NUCKS1: variants seen among roughly 807,000 people sequenced by gnomAD.
NUCKS1 encodes the protein nuclear casein kinase and cyclin dependent kinase substrate 1.
Under a neutral mutation model 33.0 loss-of-function variants are expected in NUCKS1, and 2 were observed. The observed-to-expected ratio is 0.06, with a 90% CI of 0.02 to 0.19. NUCKS1 has a LOEUF of 0.19. Ranked by LOEUF, NUCKS1 falls within the 10% of genes least tolerant of loss-of-function variation. The probability of loss-of-function intolerance (pLI) is 1.00; values close to 1 mark genes in which losing one functional copy is unlikely to be tolerated. For missense variants in NUCKS1, 201 were observed against 293.6 expected (o/e 0.68, Z 2.31); for synonymous variants, 106 against 102.8 (o/e 1.03, Z -0.19).
In NUCKS1 at chr1:205,732,796, G is replaced by A. The variant is rs1412375339; in HGVS notation, c.18-3175C>T. 7.5e-3 allele frequency among the ~76,000 whole-genome samples: 442 copies of A among 58,930 alleles called. 2 individuals carry two copies. Among genetic ancestry groups the A allele is most frequent in the Middle Eastern group, 0.017 (2 of 118 alleles). The allele number at this position is 58,930 out of a possible 152,430, so 38.7% of individuals were successfully genotyped here. A position where few individuals can be genotyped will look rare whatever the true frequency, so the allele number is the denominator to read the frequency against. On this transcript the variant is annotated intron_variant, in intron 1 of 6. Coordinates refer to ENST00000367142, the MANE Select transcript of NUCKS1 (RefSeq NM_022731.5). ...CTCTGTCTCAAAAAAAAAAAAAAAA[G>A]TTAAGATGGTAAATTTTATGCTAAG... is the stretch of plus-strand genomic sequence containing the variant.
chr1:205,745,514 T>C (rs1342512274), intron 1 of NUCKS1, among the ~76,000 whole-genome samples: 1 of 152,166 alleles, frequency 6.6e-6, no homozygotes, highest in Non-Finnish European at 1.5e-5. Context: ...CTCTGAAAAT[T>C]ATTTTAAATA....
At chr1:205,739,641 A>G (rs1654116604) in intron 1 of NUCKS1, among the ~76,000 whole-genome samples, 1 of 152,024 alleles carries the variant, frequency 6.6e-6, no homozygotes, top group Non-Finnish European at 1.5e-5. Flanking sequence ...TTTTTTGTAA[A>G]GATGGGGTTT....
At chr1:205,739,496 G>A (rs823112) in intron 1 of NUCKS1, among the ~76,000 whole-genome samples, 134,000 of 152,102 alleles carry the variant, frequency 0.88, 59,980 homozygotes, top group Non-Finnish European at 0.97. Context: ...TTTTTGAGAC[G>A]GGGTCTCACT....
chr1:205,744,966 G>C (rs541819286), intron 1 of NUCKS1, among the ~76,000 whole-genome samples: 43 of 152,214 alleles, frequency 2.8e-4, no homozygotes, highest in African/African-American at 9.9e-4. Flanking sequence ...GTTTACAGGA[G>C]TACTACCCTA....
chr1:205,721,529 C>A (rs1257645024), intron 4 of NUCKS1, among the ~76,000 whole-genome samples: 4 of 152,140 alleles, frequency 2.6e-5, no homozygotes, highest in Non-Finnish European at 5.9e-5. Context: ...AGAAAAATAT[C>A]TTAACATAGT....
At chr1:205,742,492 C>T (rs569959281) in intron 1 of NUCKS1, among the ~76,000 whole-genome samples, 4 of 152,276 alleles carry the variant, frequency 2.6e-5, no homozygotes, top group Admixed American at 2.6e-4. Flanking sequence ...AAAGGGGCGC[C>T]CAGTTTGACC....
rs78424689 is a variant in NUCKS1, at chr1:205,735,853, A to C, written c.18-6232T>G. Among the ~76,000 whole-genome samples, 644 of 152,344 alleles carry C rather than the reference A, an allele frequency of 4.2e-3. 5 individuals carry two copies. The highest frequency in any genetic ancestry group is 0.015 in the African/African-American group (605 of 41,584). Reference sequence around the variant, plus strand: ...GATGATTAAGTCACTTTGTTGAAAAATATGTAAGTCTTAAAAGTATTGGTT... The same window carrying C: ...GATGATTAAGTCACTTTGTTGAAAACTATGTAAGTCTTAAAAGTATTGGTT... On this transcript the variant is annotated intron_variant, in intron 1 of 6. Transcript: ENST00000367142.
At chr1:205,727,865 T>C in intron 2 of NUCKS1, 60 bp from the exon 3 acceptor site, 1 of 1,077,198 alleles carries the variant, frequency 9.3e-7, no homozygotes, top group Non-Finnish European at 1.4e-6. Context: ...ATCACCACTA[T>C]ATTTACTGAC....
At chr1:205,722,702 T>A (rs997708266) in intron 4 of NUCKS1, among the ~76,000 whole-genome samples, 4 of 152,194 alleles carry the variant, frequency 2.6e-5, no homozygotes, top group African/African-American at 4.8e-5. Context: ...CTAAAAAAAA[T>A]TTTTTTAACA....
intron 1 of NUCKS1, among the ~76,000 whole-genome samples, chr1:205,746,936 C>T (rs1215323283): frequency 6.6e-6 from 1 of 152,186 alleles, no homozygotes; most frequent in Non-Finnish European, 1.5e-5. Context: ...GGAGGAGGAT[C>T]TCTGGAGAGT....
rs1313311746 is a variant in NUCKS1, at chr1:205,713,198, T to C, written c.*5082A>G. ...AAGTACACAGAGCACACATCTGGGT[T>C]ATAAAAGCCCTTTTATAAAGCCATT... On this transcript the variant is annotated 3_prime_UTR_variant, in exon 7 of 7. Transcript: ENST00000367142. 6.6e-6 allele frequency: 1 copy of C among 151,926 alleles called. No homozygotes were observed. Among genetic ancestry groups the C allele is most frequent in the Non-Finnish European group, 1.5e-5 (1 of 67,986 alleles). 9.4% of individuals were successfully genotyped at this position (151,926 alleles called of 1,614,324 possible). A position where few individuals can be genotyped will look rare whatever the true frequency, so the allele number is the denominator to read the frequency against.
chr1:205,750,107 T>G lies in NUCKS1; in HGVS notation c.-134A>C. The stretch of plus-strand genomic sequence containing the variant: ...TGCCGAACCCCGAGCTGCTGGCTTC[T>G]CAAACTCCGCTGCTCTTTGGTTCAG... On this transcript the variant is annotated 5_prime_UTR_variant, in exon 1 of 7. Coordinates refer to ENST00000367142, the MANE Select transcript of NUCKS1 (RefSeq NM_022731.5). 1.2e-6 allele frequency: 1 copy of G among 834,988 alleles called. No individual in the cohort carries two copies. Among genetic ancestry groups the G allele is most frequent in the Non-Finnish European group, 1.9e-6 (1 of 539,468 alleles). 51.7% of individuals were successfully genotyped at this position (834,988 alleles called of 1,614,324 possible). A position where few individuals can be genotyped will look rare whatever the true frequency, so the allele number is the denominator to read the frequency against.
At chr1:205,738,713 A>G (rs1236205221) in intron 1 of NUCKS1, among the ~76,000 whole-genome samples, 1 of 152,140 alleles carries the variant, frequency 6.6e-6, no homozygotes, top group Non-Finnish European at 1.5e-5. Flanking sequence ...CCTAGGCATC[A>G]TGGAGAAATT....
chr1:205,746,700 A>C (rs1165541443), intron 1 of NUCKS1, among the ~76,000 whole-genome samples: 1 of 152,234 alleles, frequency 6.6e-6, no homozygotes, highest in Non-Finnish European at 1.5e-5. Context: ...AAAAGAAAGC[A>C]AACTGGAATC....
intron 1 of NUCKS1, among the ~76,000 whole-genome samples, chr1:205,748,986 AT>A (rs1654402375): frequency 6.6e-6 from 1 of 152,206 alleles, no homozygotes; most frequent in African/African-American, 2.4e-5. Context: ...GCATAGGACG[AT>A]TCCACCGACA....
chr1:205,747,983 T>A (rs889175756), intron 1 of NUCKS1, among the ~76,000 whole-genome samples: 1 of 151,912 alleles, frequency 6.6e-6, no homozygotes, highest in African/African-American at 2.4e-5. Flanking sequence ...AATTAATAAT[T>A]TGAAAATGGC....
chr1:205,748,663 G>A (rs993183895), intron 1 of NUCKS1, among the ~76,000 whole-genome samples: 1 of 152,190 alleles, frequency 6.6e-6, no homozygotes, highest in African/African-American at 2.4e-5. Context: ...CCACCAGTTG[G>A]AGGATGATCT....
intron 1 of NUCKS1, among the ~76,000 whole-genome samples, chr1:205,733,803 C>T (rs1653971257): frequency 6.6e-6 from 1 of 152,044 alleles, no homozygotes; most frequent in South Asian, 2.1e-4. Flanking sequence ...TAATCTCCTC[C>T]TCCTTCCCTG....
chr1:205,724,218 G>C (rs1351766259), intron 3 of NUCKS1, among the ~76,000 whole-genome samples: 1 of 152,132 alleles, frequency 6.6e-6, no homozygotes, highest in African/African-American at 2.4e-5. Context: ...AAAAGAAGCT[G>C]TCTCAACACA....
Sources: gnomAD v4.1 joint callset for allele counts (sites outside exome capture counted in the v4.1 genomes callset) on GRCh38, gnomAD v4.1.1 for gene constraint, MANE v1.5 for transcripts, NCBI Gene and HGNC (gene_info 2026-07-23, HGNC 2026-07-21) for gene names.